Variants in GABRA3 observed in about 807,000 individuals in gnomAD.
The protein encoded by GABRA3 is gamma-aminobutyric acid type A receptor subunit alpha3.
GABRA3 carries 10 observed loss-of-function variants against 30.1 expected under a neutral mutation model. That is an observed-to-expected ratio of 0.33 (90% CI 0.20 to 0.56). GABRA3 has a LOEUF of 0.56. Ranked by LOEUF, GABRA3 falls within the 20% of genes least tolerant of loss-of-function variation. The probability of loss-of-function intolerance (pLI) is 0.89; values close to 1 mark genes in which losing one functional copy is unlikely to be tolerated. For missense variants in GABRA3, 233 were observed against 392.0 expected (o/e 0.59, Z 3.42); for synonymous variants, 151 against 146.8 (o/e 1.03, Z -0.21).
intron 2 of GABRA3, among the ~76,000 whole-genome samples, chrX:152,357,945 GT>G (rs1381090383): frequency 9.0e-6 from 1 of 111,246 alleles, no homozygotes; most frequent in East Asian, 2.8e-4. Flanking sequence ...TGCTGTTTTG[GT>G]TACTACAGCC....
chrX:152,421,133 A>AC (rs60511674), intron 1 of GABRA3, among the ~76,000 whole-genome samples: 9 of 98,667 alleles, frequency 9.1e-5, no homozygotes, highest in African/African-American at 3.4e-4. Context: ...ACACACACAC[A>AC]AGGCACCTAT....
intron 3 of GABRA3, among the ~76,000 whole-genome samples, chrX:152,315,389 T>G (rs1939859094): frequency 9.0e-6 from 1 of 111,122 alleles, no homozygotes; most frequent in Non-Finnish European, 1.9e-5. Context: ...CTGACTTGTC[T>G]CACAGAGGTC....
At chrX:152,362,986 T>C (rs1211967026) in intron 2 of GABRA3, among the ~76,000 whole-genome samples, 2 of 112,309 alleles carry the variant, frequency 1.8e-5, no homozygotes, top group African/African-American at 3.2e-5. Flanking sequence ...GTGTGTGGAA[T>C]AGCCAAGTGG....
intron 3 of GABRA3, among the ~76,000 whole-genome samples, chrX:152,308,408 C>T (rs1338602144): frequency 8.9e-6 from 1 of 112,278 alleles, no homozygotes; most frequent in Admixed American, 9.4e-5. Context: ...AATGTTATTG[C>T]TGGCAGATCA....
chrX:152,183,754 G>A (rs1937216812), intron 9 of GABRA3, among the ~76,000 whole-genome samples: 1 of 111,039 alleles, frequency 9.0e-6, no homozygotes, highest in Non-Finnish European at 1.9e-5. Flanking sequence ...TACACTGTAG[G>A]TCTATTTTTG....
intron 5 of GABRA3, among the ~76,000 whole-genome samples, chrX:152,251,793 GCT>G (rs1333212003): frequency 1.8e-5 from 2 of 110,069 alleles, no homozygotes; most frequent in African/African-American, 3.3e-5. Context: ...CTTCCCTAAT[GCT>G]CTGTTTCCCC....
At chrX:152,410,590 C>A (rs895105782) in intron 1 of GABRA3, among the ~76,000 whole-genome samples, 48 of 110,748 alleles carry the variant, frequency 4.3e-4, no homozygotes, top group Middle Eastern at 9.4e-3. Flanking sequence ...ATTATGTACC[C>A]ATAATTATTT....
At chrX:152,449,264 G>C (rs1931163355) in intron 1 of GABRA3, among the ~76,000 whole-genome samples, 1 of 112,261 alleles carries the variant, frequency 8.9e-6, no homozygotes. Context: ...ATGACACAAA[G>C]AGCCACCTAA....
chrX:152,428,879 G>C (rs960363866), intron 1 of GABRA3, among the ~76,000 whole-genome samples: 3 of 111,739 alleles, frequency 2.7e-5, no homozygotes, highest in Admixed American at 9.5e-5. Flanking sequence ...AACTGAGAAA[G>C]ATGGATTGAA....
intron 1 of GABRA3, among the ~76,000 whole-genome samples, chrX:152,440,978 G>A (rs909850634): frequency 4.9e-5 from 5 of 103,044 alleles, no homozygotes; most frequent in Non-Finnish European, 9.8e-5. Flanking sequence ...AAAACTGCAC[G>A]TTCTGCACAT....
chrX:152,315,968 C>CT (rs1939868917), intron 3 of GABRA3, among the ~76,000 whole-genome samples: 1 of 34,963 alleles, frequency 2.9e-5, no homozygotes, highest in Admixed American at 4.0e-4. Context: ...GGCCCGCCCC[C>CT]CGACCCCCCC....
Position 152,273,152 on chromosome X carries a change from A to G in GABRA3, c.330+11516T>C, listed in dbSNP as rs1938978752. Among the ~76,000 whole-genome samples, 4 of 112,223 alleles carry G rather than the reference A, an allele frequency of 3.6e-5. No homozygotes were observed. In the South Asian group the frequency reaches 1.5e-3, roughly 41 times the overall value. On this transcript the variant is annotated intron_variant, in intron 4 of 9. Coordinates refer to ENST00000370314, the MANE Select transcript of GABRA3 (RefSeq NM_000808.4). ...AAGATCTGAATAGACATTTTTCTAA[A>G]GAAGACATACAAATGCCCAACAGGT...
chrX:152,356,274 C>T (rs914205367), intron 2 of GABRA3, among the ~76,000 whole-genome samples: 53 of 112,066 alleles, frequency 4.7e-4, no homozygotes, highest in African/African-American at 1.7e-3. Flanking sequence ...TTACATCAAG[C>T]ACATGAGTTA....
intron 1 of GABRA3, among the ~76,000 whole-genome samples, chrX:152,424,437 C>A (rs926997895): frequency 4.9e-4 from 55 of 111,857 alleles, no homozygotes; most frequent in Non-Finnish European, 1.3e-4. Flanking sequence ...TGACACTGTG[C>A]TAACTGGTTT....
At chrX:152,330,272 A>G (rs1248416310) in intron 3 of GABRA3, among the ~76,000 whole-genome samples, 1 of 112,112 alleles carries the variant, frequency 8.9e-6, no homozygotes, top group Non-Finnish European at 1.9e-5. Flanking sequence ...TAGTTCAACT[A>G]TTGTGGAAGA....
At chrX:152,284,264 C>T (rs973362735) in intron 4 of GABRA3, among the ~76,000 whole-genome samples, 8 of 111,668 alleles carry the variant, frequency 7.2e-5, no homozygotes, top group African/African-American at 2.0e-4. Flanking sequence ...TTACAAGGAA[C>T]AGACTTCTTG....
chrX:152,344,789 G>A (rs994056666), intron 3 of GABRA3, among the ~76,000 whole-genome samples: 1 of 111,369 alleles, frequency 9.0e-6, no homozygotes, highest in Non-Finnish European at 1.9e-5. Context: ...AAGAAATGCT[G>A]AGTGTAGGCT....
intron 6 of GABRA3, among the ~76,000 whole-genome samples, chrX:152,219,018 T>G (rs1937780049): frequency 9.0e-6 from 1 of 111,366 alleles, no homozygotes; most frequent in Non-Finnish European, 1.9e-5. Context: ...TCCTTCTTGA[T>G]GTACTTTATT....
chrX:152,224,245 T>C (rs2124380884), intron 6 of GABRA3, among the ~76,000 whole-genome samples: 1 of 112,387 alleles, frequency 8.9e-6, no homozygotes, highest in South Asian at 3.6e-4. Flanking sequence ...ATATATTTAC[T>C]ACTTTTTCTG....
Sources: allele counts gnomAD v4.1 joint callset (sites outside exome capture counted in the v4.1 genomes callset), GRCh38; gene constraint gnomAD v4.1.1; transcripts MANE v1.5; gene names NCBI Gene and HGNC (gene_info 2026-07-23, HGNC 2026-07-21).